PPARGC1A: variants seen among roughly 807,000 people sequenced by gnomAD.
PPARGC1A encodes peroxisome proliferator-activated receptor gamma coactivator 1-alpha.
A neutral mutation model predicts 88.7 loss-of-function variants in PPARGC1A; 25 were observed. That is an observed-to-expected ratio of 0.28 (90% CI 0.21 to 0.39). The LOEUF is 0.39. Ranked by LOEUF, PPARGC1A falls within the 10% of genes least tolerant of loss-of-function variation. The pLI, the probability that PPARGC1A is intolerant of heterozygous loss-of-function variation, is 1.00. For synonymous variants in PPARGC1A, 363 were observed against 355.6 expected (o/e 1.02, Z -0.24); for missense variants, 880 against 968.7 (o/e 0.91, Z 1.22).
the PPARGC1A span, among the ~76,000 whole-genome samples, chr4:24,218,703 T>C: frequency 6.6e-6 from 1 of 152,226 alleles, no homozygotes; most frequent in Non-Finnish European, 1.5e-5. Context: ...CAGACTTCCA[T>C]AGCCTACTCA....
chr4:24,446,591 A>ATTT, the PPARGC1A span, among the ~76,000 whole-genome samples: 13 of 134,868 alleles, frequency 9.6e-5, no homozygotes, highest in African/African-American at 1.1e-4. Flanking sequence ...AAAACACTGA[A>ATTT]TTTTTTTTTT....
chr4:24,346,176 G>A, the PPARGC1A span, among the ~76,000 whole-genome samples: 23 of 152,240 alleles, frequency 1.5e-4, no homozygotes, highest in African/African-American at 5.5e-4. Context: ...GTCAGATTCT[G>A]TTAGCTAGTA....
intron 4 of PPARGC1A, 29 bp downstream of exon 4, chr4:23,829,434 C>A (rs1458221564): frequency 6.2e-7 from 1 of 1,608,014 alleles, no homozygotes; most frequent in East Asian, 2.2e-5. Flanking sequence ...TGGTACATCC[C>A]CCCTGTATTA....
the PPARGC1A span, among the ~76,000 whole-genome samples, chr4:24,187,837 TG>T: frequency 6.6e-5 from 10 of 152,260 alleles, no homozygotes; most frequent in Admixed American, 2.6e-4. Flanking sequence ...TAATCACAAA[TG>T]TTTGATAAAT....
chr4:24,071,408 AGCT>A, the PPARGC1A span, among the ~76,000 whole-genome samples: 1 of 152,174 alleles, frequency 6.6e-6, no homozygotes, highest in African/African-American at 2.4e-5. Flanking sequence ...AACATTGGAA[AGCT>A]GCTACCAATG....
At chr4:24,012,221 G>T in the PPARGC1A span, among the ~76,000 whole-genome samples, 1 of 152,088 alleles carries the variant, frequency 6.6e-6, no homozygotes, top group South Asian at 2.1e-4. Context: ...TATATACAAA[G>T]AGGTAAGCTG....
chr4:24,426,090 C>A, the PPARGC1A span, among the ~76,000 whole-genome samples: 19 of 152,142 alleles, frequency 1.2e-4, no homozygotes, highest in African/African-American at 4.1e-4. Flanking sequence ...TTTAAAATTA[C>A]AACGGGGAGG....
chr4:24,118,997 T>A, the PPARGC1A span, among the ~76,000 whole-genome samples: 1 of 152,212 alleles, frequency 6.6e-6, no homozygotes, highest in Non-Finnish European at 1.5e-5. Flanking sequence ...TTCTAGTGCA[T>A]CAGCCAGAAT....
At chr4:24,077,828 G>A in the PPARGC1A span, among the ~76,000 whole-genome samples, 1 of 151,920 alleles carries the variant, frequency 6.6e-6, no homozygotes, top group Admixed American at 6.6e-5. Context: ...GGATTTAGAT[G>A]TTGGACTTCC....
At chr4:23,902,281 C>G (rs554952841), upstream of PPARGC1A, among the ~76,000 whole-genome samples, 8 of 152,072 alleles carry the variant, frequency 5.3e-5, no homozygotes, top group Non-Finnish European at 1.2e-4. Flanking sequence ...CTTCAAGTAA[C>G]CTATATCATA....
At chr4:23,842,914 C>T (rs1727320976) in intron 2 of PPARGC1A, among the ~76,000 whole-genome samples, 1 of 152,072 alleles carries the variant, frequency 6.6e-6, no homozygotes, top group Non-Finnish European at 1.5e-5. Context: ...ACATGTGATT[C>T]TAGATCTTAA....
the PPARGC1A span, among the ~76,000 whole-genome samples, chr4:24,356,726 C>CAA: frequency 6.6e-6 from 1 of 152,298 alleles, no homozygotes; most frequent in East Asian, 1.9e-4. Context: ...GCTGGCTTCC[C>CAA]ACAGGCCAAG....
chr4:24,048,460 GAT>G, the PPARGC1A span, among the ~76,000 whole-genome samples: 4 of 152,062 alleles, frequency 2.6e-5, no homozygotes, highest in South Asian at 8.3e-4. Context: ...GATCTTCTAT[GAT>G]ATATATGAGA....
the PPARGC1A span, among the ~76,000 whole-genome samples, chr4:24,233,120 C>T: frequency 8.3e-5 from 4 of 48,220 alleles, no homozygotes; most frequent in African/African-American, 1.6e-4. Flanking sequence ...AAATGTGTCT[C>T]CAAAGTGTTT....
chr4:24,171,388 G>A, the PPARGC1A span, among the ~76,000 whole-genome samples: 14 of 151,758 alleles, frequency 9.2e-5, no homozygotes, highest in Non-Finnish European at 1.6e-4. Flanking sequence ...CCTGGTAACA[G>A]AGCGAGACTC....
At chr4:24,469,365 A>G in the PPARGC1A span, among the ~76,000 whole-genome samples, 1 of 152,164 alleles carries the variant, frequency 6.6e-6, no homozygotes, top group African/African-American at 2.4e-5. Flanking sequence ...GAAAATGGAG[A>G]TTGTGGCAGT....
the PPARGC1A span, among the ~76,000 whole-genome samples, chr4:24,257,926 A>T: frequency 3.9e-5 from 6 of 152,322 alleles, no homozygotes; most frequent in African/African-American, 1.4e-4. Context: ...ACATTTTTAC[A>T]TATAATAATA....
the PPARGC1A span, among the ~76,000 whole-genome samples, chr4:24,300,323 CATTTTTTTTTTTTTTTTTTTTTTTTT>C: frequency 2.4e-5 from 1 of 40,860 alleles, no homozygotes; most frequent in African/African-American, 8.0e-5. Flanking sequence ...TATACAATAG[CATTTTTTTTTTTTTTTTTTTTTTTTT>C]TTTTTTTTTT....
chr4:24,089,332 A>G, the PPARGC1A span, among the ~76,000 whole-genome samples: 2 of 152,152 alleles, frequency 1.3e-5, no homozygotes, highest in East Asian at 3.9e-4. Flanking sequence ...CAGCCTAGCG[A>G]TACAAATGAA....
Sources: gnomAD v4.1 joint callset for allele counts (sites outside exome capture counted in the v4.1 genomes callset) on GRCh38, gnomAD v4.1.1 for gene constraint, MANE v1.5 for transcripts, NCBI Gene and HGNC (gene_info 2026-07-23, HGNC 2026-07-21) for gene names.